CC2D2A: variants seen among roughly 807,000 people sequenced by gnomAD.
CC2D2A encodes coiled-coil and C2 domain containing 2A.
A neutral mutation model predicts 212.9 loss-of-function variants in CC2D2A; 155 were observed. The ratio of observed to expected loss-of-function variants is 0.73; its 90% CI spans 0.64 to 0.83. The LOEUF is 0.83. Among genes scored for constraint, CC2D2A ranks in the 40% least tolerant of loss-of-function variants. The pLI, the probability that CC2D2A is intolerant of heterozygous loss-of-function variation, is 0.00. For missense variants in CC2D2A, 1,856 were observed against 1,956.2 expected (o/e 0.95, Z 0.97); for synonymous variants, 667 against 686.5 (o/e 0.97, Z 0.44).
intron 17 of CC2D2A, among the ~76,000 whole-genome samples, chr4:15,548,034 C>T (rs1041872351): frequency 2.6e-5 from 4 of 151,186 alleles, no homozygotes; most frequent in Admixed American, 6.6e-5. Flanking sequence ...AGCGAAACTC[C>T]GTATCCAAAA....
intron 6 of CC2D2A, 91 bp from the exon 7 acceptor site, chr4:15,510,048 C>T: frequency 1.1e-6 from 1 of 923,470 alleles, no homozygotes. Flanking sequence ...AGAAGATAAG[C>T]CTTTGGGATG....
At chr4:15,590,638 G>A (rs1025919803) in intron 33 of CC2D2A, among the ~76,000 whole-genome samples, 3 of 152,162 alleles carry the variant, frequency 2.0e-5, no homozygotes, top group African/African-American at 7.2e-5. Context: ...GTAAAATGGA[G>A]GTAACAGTAA....
At chr4:15,559,331 CT>C in intron 22 of CC2D2A, 74 bp downstream of exon 22, 1 of 920,466 alleles carries the variant, frequency 1.1e-6, no homozygotes, top group Non-Finnish European at 1.7e-6. Flanking sequence ...GTCCTCTACT[CT>C]TTTAAATATC....
At chr4:15,573,221 T>G (rs1218586280) in intron 28 of CC2D2A, among the ~76,000 whole-genome samples, 2 of 152,214 alleles carry the variant, frequency 1.3e-5, no homozygotes, top group Non-Finnish European at 2.9e-5. Flanking sequence ...TGGCACACAT[T>G]CCTTCCTGTG....
intron 6 of CC2D2A, among the ~76,000 whole-genome samples, chr4:15,507,051 C>G (rs1716302465): frequency 6.7e-6 from 1 of 149,478 alleles, no homozygotes; most frequent in Admixed American, 6.7e-5. Context: ...GCACTCCAGT[C>G]TGGGTGACAG....
At chr4:15,598,899 C>T (rs951585942) in intron 35 of CC2D2A, among the ~76,000 whole-genome samples, 4 of 152,160 alleles carry the variant, frequency 2.6e-5, no homozygotes, top group African/African-American at 9.7e-5. Context: ...GTGACTCACA[C>T]TTGTAATCTC....
In CC2D2A at chr4:15,570,659, A is replaced by G. The variant is rs930812662; in HGVS notation, c.3594+163A>G. On this transcript the variant is annotated intron_variant, in intron 28 of 36. Coordinates refer to ENST00000424120, the MANE Select transcript of CC2D2A (RefSeq NM_001378615.1). ...CATCTGAGGTCAGGAGTTGGAGATG[A>G]GCCTGGCCAACATGGTGAAACCCCA... Among the ~76,000 whole-genome samples, 8 of 152,286 alleles carry G rather than the reference A, an allele frequency of 5.3e-5. 1 individual carries two copies. The highest frequency in any genetic ancestry group is 5.2e-4 in the Admixed American group (8 of 15,288).
chr4:15,515,893 G>C lies in CC2D2A; in HGVS notation c.906G>C (p.Glu302Asp). ...QTVPTYKKLP[E>D]NVQPRFLEDE... ...TCCCTACATATAAAAAGCTTCCTGAGAATGTACAGCCCAGGTTCCTGGAAG... is the reference window on the plus strand; with the variant it reads ...TCCCTACATATAAAAAGCTTCCTGACAATGTACAGCCCAGGTTCCTGGAAG... The change falls in exon 10 of 37, where the codon GAG (glutamate) becomes GAC (aspartate). Residue 302 changes from glutamate to aspartate, a missense_variant. This residue lies in a region of CC2D2A where 1,512 missense variants were observed against 1,579.3 expected (regional missense o/e 0.96). Transcript: ENST00000424120. 6.4e-7 allele frequency: 1 copy of C among 1,552,684 alleles called. No individual in the cohort carries two copies. Among genetic ancestry groups the C allele is most frequent in the South Asian group, 1.2e-5 (1 of 84,078 alleles).
In CC2D2A at chr4:15,553,428, G is replaced by A. The variant is rs1467154931; in HGVS notation, c.2486+123G>A. 8 of 1,167,984 alleles carry A rather than the reference G, an allele frequency of 6.8e-6. No homozygotes were observed. In the East Asian group the frequency reaches 1.6e-4, roughly 23 times the overall value. 72.4% of individuals were successfully genotyped at this position (1,167,984 alleles called of 1,614,324 possible). A position where few individuals can be genotyped will look rare whatever the true frequency, so the allele number is the denominator to read the frequency against. ...TATTGTCAGGTGCCAGTATTTTCAA[G>A]AGTTTTTTATTCTTAAGGTAAAAAC... is the stretch of plus-strand genomic sequence containing the variant. On this transcript the variant is annotated intron_variant, in intron 19 of 36. Transcript: ENST00000424120.
intron 36 of CC2D2A, 147 bp from the exon 37 acceptor site, chr4:15,601,090 C>A (rs1003197212): frequency 1.3e-5 from 9 of 683,228 alleles, no homozygotes; most frequent in Non-Finnish European, 2.2e-5. Flanking sequence ...TCTCGATTTT[C>A]TGTATTGCTA....
intron 4 of CC2D2A, among the ~76,000 whole-genome samples, chr4:15,490,691 C>T (rs913742412): frequency 1.3e-5 from 2 of 152,060 alleles, no homozygotes; most frequent in African/African-American, 4.8e-5. Context: ...AAGACTACCC[C>T]TCATATTGTC....
rs548892517 is a variant in CC2D2A, at chr4:15,595,380, T to C, written c.4315-705T>C. Among the ~76,000 whole-genome samples the C allele has an allele frequency of 1.8e-3, 275 of 152,334 alleles. 1 individual carries two copies. The highest frequency in any genetic ancestry group is 3.1e-3 in the Non-Finnish European group (212 of 68,036). ...TCTAACAGCCTAATGTGGACACGAATAGACAGGCAATTATAAACAATGCTA... is the reference window on the plus strand; with the variant it reads ...TCTAACAGCCTAATGTGGACACGAACAGACAGGCAATTATAAACAATGCTA... On this transcript the variant is annotated intron_variant, in intron 33 of 36. Transcript: ENST00000424120.
At chr4:15,474,146 C>G (rs552777143) in intron 1 of CC2D2A, among the ~76,000 whole-genome samples, 1 of 152,206 alleles carries the variant, frequency 6.6e-6, no homozygotes, top group East Asian at 1.9e-4. Context: ...CTTTGGTGGT[C>G]TGAGAGATAG....
At chr4:15,596,985 C>T (rs7683915) in intron 34 of CC2D2A, among the ~76,000 whole-genome samples, 143,639 of 152,270 alleles carry the variant, frequency 0.94, 68,293 homozygotes, top group East Asian at 1. Flanking sequence ...AAAACAATTA[C>T]GTAAAGTTTA....
At chr4:15,497,176 C>T (rs776489433) in intron 4 of CC2D2A, among the ~76,000 whole-genome samples, 4 of 152,142 alleles carry the variant, frequency 2.6e-5, no homozygotes, top group African/African-American at 7.2e-5. Flanking sequence ...TGCAAGGATA[C>T]GGTAACTAAA....
chr4:15,500,107 GTATATATA>G (rs55743422), intron 4 of CC2D2A, among the ~76,000 whole-genome samples: 64 of 112,946 alleles, frequency 5.7e-4, no homozygotes, highest in East Asian at 9.6e-4. Context: ...GTGTGTGTGT[GTATATATA>G]TATATATATA....
intron 29 of CC2D2A, among the ~76,000 whole-genome samples, chr4:15,576,939 CT>C (rs1720441662): frequency 6.6e-6 from 1 of 152,206 alleles, no homozygotes; most frequent in Non-Finnish European, 1.5e-5. Context: ...TACAGTGTAT[CT>C]CTGAAAGTTA....
intron 33 of CC2D2A, among the ~76,000 whole-genome samples, chr4:15,593,264 T>C (rs976297965): frequency 3.9e-5 from 6 of 152,202 alleles, no homozygotes; most frequent in Non-Finnish European, 8.8e-5. Flanking sequence ...CCCTACTCTA[T>C]AGCCAAATTG....
chr4:15,537,713 C>G (rs1411485966), intron 15 of CC2D2A, among the ~76,000 whole-genome samples, 186 bp from the exon 16 acceptor site: 1 of 152,118 alleles, frequency 6.6e-6, no homozygotes, highest in Non-Finnish European at 1.5e-5. Flanking sequence ...ATTTCCTGGG[C>G]TCCATTCTGT....
Sources: gnomAD v4.1 joint callset for allele counts (sites outside exome capture counted in the v4.1 genomes callset) on GRCh38, gnomAD v4.1.1 for gene constraint, gnomAD v4.1.1 regional missense constraint, MANE v1.5 for transcripts, NCBI Gene and HGNC (gene_info 2026-07-23, HGNC 2026-07-21) for gene names.